Variants in METTL21A observed in about 807,000 individuals in gnomAD.
METTL21A encodes methyltransferase 21A, HSPA lysine, also known as protein N-lysine methyltransferase METTL21A.
A neutral mutation model predicts 20.9 loss-of-function variants in METTL21A; 22 were observed. The observed-to-expected ratio is 1.05, with a 90% CI of 0.75 to 1.50. The LOEUF is 1.50. Ranked by LOEUF, METTL21A falls within the 40% of genes most tolerant of loss-of-function variation. The probability of loss-of-function intolerance (pLI) is 0.00; values close to 1 mark genes in which losing one functional copy is unlikely to be tolerated. For missense variants in METTL21A, 271 were observed against 266.8 expected, an observed-to-expected ratio of 1.02 and a Z score of -0.11; for synonymous variants, 93 against 102.0, an observed-to-expected ratio of 0.91 and a Z score of 0.53.
chr2:207,582,889 TC>T, intron 3 of METTL21A: 1 of 300,172 alleles, frequency 3.3e-6, no homozygotes, highest in Non-Finnish European at 6.6e-6. Context: ...AGACTCTGTC[TC>T]AAAAAAACAA....
chr2:207,590,803 T>A (rs2084894112), intron 3 of METTL21A, among the ~76,000 whole-genome samples: 1 of 152,220 alleles, frequency 6.6e-6, no homozygotes, highest in African/African-American at 2.4e-5. Context: ...AAGCAAAGTT[T>A]GGCAACCCTT....
At chr2:207,587,358 A>C (rs2106635372) in intron 3 of METTL21A, among the ~76,000 whole-genome samples, 1 of 151,566 alleles carries the variant, frequency 6.6e-6, no homozygotes, top group South Asian at 2.1e-4. Flanking sequence ...GCACCACCGC[A>C]CTACAGCCTG....
At chr2:207,613,219 G>A (rs770656926) in exon 4 of METTL21A, 1 of 1,613,946 alleles carries the variant, frequency 6.2e-7, no homozygotes, top group Non-Finnish European at 8.5e-7. Flanking sequence ...TTGCTACAGA[G>A]ATGTTCCAGT....
intron 3 of METTL21A, among the ~76,000 whole-genome samples, chr2:207,621,434 A>G (rs191673368): frequency 3.9e-5 from 6 of 152,358 alleles, no homozygotes; most frequent in Admixed American, 3.9e-4. Context: ...CAGATAGTGT[A>G]TGGGAAAGAA....
At chr2:207,624,367 G>C (rs754278409) in exon 2 of METTL21A, 6 of 1,613,092 alleles carry the variant, frequency 3.7e-6, no homozygotes, top group Non-Finnish European at 5.1e-6. Flanking sequence ...CATAGGGCAC[G>C]AGGGCCATTC....
At chr2:207,601,436 A>T (rs1422080720) in intron 3 of METTL21A, 1 of 189,920 alleles carries the variant, frequency 5.3e-6, no homozygotes, top group Non-Finnish European at 1.1e-5. Context: ...GTAAAAGAAA[A>T]ACATCAGGAA....
chr2:207,599,449 TG>T, intron 3 of METTL21A: 1 of 198,986 alleles, frequency 5.0e-6, no homozygotes, highest in Non-Finnish European at 1.0e-5. Context: ...TTCTACTTAC[TG>T]GGAAGTTGGT....
intron 3 of METTL21A, among the ~76,000 whole-genome samples, chr2:207,603,704 T>G (rs1364944025): frequency 1.3e-5 from 2 of 152,214 alleles, no homozygotes; most frequent in Non-Finnish European, 2.9e-5. Flanking sequence ...CGACCAGCTG[T>G]GTCTGATGTC....
chr2:207,606,172 CAATT>C (rs928851261), downstream of METTL21A, among the ~76,000 whole-genome samples: 13 of 152,134 alleles, frequency 8.5e-5, no homozygotes, highest in Admixed American at 6.5e-4. Context: ...AGAAAGCTAA[CAATT>C]AAATCTTCAA....
chr2:207,603,629 A>T (rs575162767), intron 3 of METTL21A, among the ~76,000 whole-genome samples: 2 of 152,214 alleles, frequency 1.3e-5, no homozygotes, highest in Non-Finnish European at 2.9e-5. Context: ...GTTTTTCAAT[A>T]AGATTGAACA....
chr2:207,622,919 T>C (rs928276700), intron 2 of METTL21A, among the ~76,000 whole-genome samples: 1 of 152,086 alleles, frequency 6.6e-6, no homozygotes, highest in Non-Finnish European at 1.5e-5. Context: ...ATCTTTTTTT[T>C]TTTTTTGAGA....
chr2:207,599,248 T>C (rs534400658), intron 3 of METTL21A: 1 of 202,266 alleles, frequency 4.9e-6, no homozygotes, highest in African/African-American at 2.3e-5. Flanking sequence ...TGTAACCGCA[T>C]AGATATGTCA....
intron 3 of METTL21A, among the ~76,000 whole-genome samples, chr2:207,617,031 G>T (rs2551944): frequency 5.5e-4 from 83 of 151,836 alleles, no homozygotes; most frequent in Non-Finnish European, 9.1e-4. Flanking sequence ...GATTTATGCT[G>T]GGTAAGGAGG....
exon 3 of METTL21A, chr2:207,621,902 T>C (rs1054668047): frequency 3.7e-6 from 6 of 1,614,116 alleles, no homozygotes; most frequent in Non-Finnish European, 5.1e-6. Flanking sequence ...TCCAGGTATG[T>C]GGAAAGAACG....
intron 3 of METTL21A, among the ~76,000 whole-genome samples, chr2:207,590,394 A>T (rs1201809464): frequency 6.0e-5 from 9 of 151,046 alleles, no homozygotes; most frequent in Non-Finnish European, 1.3e-4. Context: ...AATTTTGTTG[A>T]TTGTTTTTAA....
intron 2 of METTL21A, 73 bp from the exon 3 acceptor site, chr2:207,621,990 T>C: frequency 7.9e-7 from 1 of 1,270,440 alleles, no homozygotes; most frequent in Non-Finnish European, 1.1e-6. Flanking sequence ...TCAGGTCAGC[T>C]ACACCCACCC....
intron 3 of METTL21A, chr2:207,602,825 T>C (rs960825248): frequency 4.6e-6 from 1 of 218,478 alleles, no homozygotes; most frequent in African/African-American, 2.2e-5. Flanking sequence ...AGAAGAGTGC[T>C]AGTTAGCAGT....
In METTL21A at chr2:207,582,213, G is replaced by A; in HGVS notation, c.260-53C>T. 1.1e-5 allele frequency: 8 copies of A among 702,286 alleles called. No individual in the cohort carries two copies. In the South Asian group the frequency reaches 1.2e-4, roughly 10 times the overall value. The allele number at this position is 702,286 out of a possible 1,614,324, so 43.5% of individuals were successfully genotyped here. A position where few individuals can be genotyped will look rare whatever the true frequency, so the allele number is the denominator to read the frequency against. On this transcript the variant is annotated intron_variant, in intron 3 of 3. Coordinates refer to the METTL21A transcript ENST00000425132. ...GTGGTCATATGTTAAAACCACCACA[G>A]TAATTAGGTGTATTTTAGAAGAAGT... is the stretch of plus-strand genomic sequence containing the variant.
At chr2:207,591,102 A>G (rs1293451037) in intron 3 of METTL21A, among the ~76,000 whole-genome samples, 3 of 152,154 alleles carry the variant, frequency 2.0e-5, no homozygotes, top group Non-Finnish European at 2.9e-5. Context: ...TATCATATCA[A>G]TGTCAGATAG....
Sources: gnomAD v4.1 joint callset for allele counts (sites outside exome capture counted in the v4.1 genomes callset) on GRCh38, gnomAD v4.1.1 for gene constraint, MANE v1.5 for transcripts, NCBI Gene and HGNC (gene_info 2026-07-23, HGNC 2026-07-21) for gene names.